The following GRK1 variants were observed in gnomAD, a reference collection of about 807,000 sequenced individuals.
GRK1 encodes G protein-coupled receptor kinase 1, also known as rhodopsin kinase GRK1.
A neutral mutation model predicts 41.7 loss-of-function variants in GRK1; 28 were observed. The ratio of observed to expected loss-of-function variants is 0.67; its 90% CI spans 0.50 to 0.92. The LOEUF is 0.92. GRK1 is among the 40% of genes least tolerant of loss of function. The pLI, the probability that GRK1 is intolerant of heterozygous loss-of-function variation, is 0.00. For missense variants in GRK1, 703 were observed against 671.2 expected, an observed-to-expected ratio of 1.05 and a Z score of -0.52; for synonymous variants, 327 against 286.7, an observed-to-expected ratio of 1.14 and a Z score of -1.42.
At position 113,733,721 on chromosome 13, in the gene GRK1, G is replaced by C. The variant is rs542858061; in HGVS notation, c.1396+636G>C. On this transcript the variant is annotated intron_variant, in intron 6 of 6. Transcript: ENST00000335678. ...CATGTGTGCGTGTGTGCGCACGTGT[G>C]TGTGCGCGCGTGTGTATGTGTGCAT... Among the ~76,000 whole-genome samples the C allele has an allele frequency of 6.4e-3, 943 of 146,580 alleles. 28 individuals are homozygous for C. The highest frequency in any genetic ancestry group is 0.011 in the Admixed American group (164 of 14,868).
the GRK1 span, chr13:113,654,905 C>A: frequency 6.2e-7 from 1 of 1,614,248 alleles, no homozygotes; most frequent in Non-Finnish European, 8.5e-7. Context: ...GCCCAGTCAT[C>A]ACCACGTAGA....
At chr13:113,664,621 G>A (rs948733549), upstream of GRK1, among the ~76,000 whole-genome samples, 1 of 152,078 alleles carries the variant, frequency 6.6e-6, no homozygotes, top group African/African-American at 2.4e-5. This position sits in a 1 kb window ranked among gnomAD's most constrained non-coding sequence, Gnocchi z 5.4. Flanking sequence ...CAGGTGGAAC[G>A]GCCCCCAGTC....
At chr13:113,650,302 C>A in the GRK1 span, 1 of 1,156,398 alleles carries the variant, frequency 8.6e-7, no homozygotes. The surrounding 1 kb of genome is among the most constrained non-coding windows in gnomAD (Gnocchi z 5.0). Context: ...TAAGTCACAC[C>A]TTTGTTTCAT....
At chr13:113,659,534 G>A in the GRK1 span, among the ~76,000 whole-genome samples, 1 of 152,124 alleles carries the variant, frequency 6.6e-6, no homozygotes, top group African/African-American at 2.4e-5. Context: ...AATTCAAATG[G>A]AATGATGTCA....
the GRK1 span, chr13:113,652,879 C>T: frequency 6.2e-7 from 1 of 1,614,116 alleles, no homozygotes; most frequent in African/African-American, 1.3e-5. Flanking sequence ...TCACCCTGTT[C>T]ATTTTAATAA....
the GRK1 span, chr13:113,652,715 G>C: frequency 2.5e-6 from 2 of 791,136 alleles, no homozygotes; most frequent in East Asian, 2.7e-5. Flanking sequence ...ACACGGGACA[G>C]GTGCGTGCCA....
Position 113,735,215 on chromosome 13 carries a change from C to A in GRK1, c.1544C>A (p.Pro515His), listed in dbSNP as rs973583215. Residue 515 changes from proline (P) to histidine (H), a missense_variant, in exon 7 of 7, where the codon CCC (proline) becomes CAC (histidine). Transcript: ENST00000335678. ...CAGGAATTTGCCACTGGCAACTGCC[C>A]CATCCCCTGGCAGGAGGAGATGATC... ...FFQEFATGNCPIPWQEEMIET... is the reference protein window; with the variant it reads ...FFQEFATGNCHIPWQEEMIET... 8 of 1,537,180 alleles carry A rather than the reference C, an allele frequency of 5.2e-6. No individual in the cohort carries two copies. Among genetic ancestry groups the A allele is most frequent in the Middle Eastern group, 1.7e-4 (1 of 5,988 alleles).
rs1335823183 is a variant in GRK1 at position 113,736,471 on chromosome 13, A to T, written c.*1108A>T. On this transcript the variant is annotated 3_prime_UTR_variant, in exon 7 of 7. Transcript: ENST00000335678. ...TGGCATTTCCAACTGCACTTTGAAC[A>T]CTGAAGGTTCCCCAAATGCTTTGTG... is the stretch of plus-strand genomic sequence containing the variant. The T allele has an allele frequency of 6.6e-6, 1 of 152,242 alleles. No individual in the cohort carries two copies. Among genetic ancestry groups the T allele is most frequent in the East Asian group, 1.9e-4 (1 of 5,190 alleles). 9.4% of individuals were successfully genotyped at this position (152,242 alleles called of 1,614,324 possible).
chr13:113,654,688 G>T, the GRK1 span: 1 of 1,420,952 alleles, frequency 7.0e-7, no homozygotes, highest in Non-Finnish European at 9.4e-7. Flanking sequence ...TCACCCTGGG[G>T]CTGCCGGGCT....
At chr13:113,652,964 G>A in the GRK1 span, 182 of 1,614,206 alleles carry the variant, frequency 1.1e-4, no homozygotes, top group African/African-American at 1.1e-4. Flanking sequence ...CATATCTGCC[G>A]TGAACTTGCA....
chr13:113,668,497 T>G (rs1056122784), intron 1 of GRK1, among the ~76,000 whole-genome samples: 2 of 152,198 alleles, frequency 1.3e-5, no homozygotes, highest in South Asian at 2.1e-4. Context: ...CAGGAGGAAC[T>G]GAGGCAGGAC....
In GRK1 at chr13:113,735,254, T is replaced by C. The variant is rs2049994665; in HGVS notation, c.1583T>C (p.Phe528Ser). ...GAGGAGATGATCGAGACGGGCATCT[T>C]TGGCGAGCTGAACGTGTGGCGCTCG... ...WQEEMIETGI[F>S]GELNVWRSDG... The change falls in exon 7 of 7, where the codon TTT becomes TCT. Residue 528 changes from phenylalanine to serine, a missense_variant. Coordinates refer to ENST00000335678, the MANE Select transcript of GRK1 (RefSeq NM_002929.3). The C allele has an allele frequency of 1.3e-6, 2 of 1,537,076 alleles. No individual in the cohort carries two copies. Among genetic ancestry groups the C allele is most frequent in the Non-Finnish European group, 1.7e-6 (2 of 1,146,848 alleles).
chr13:113,662,540 G>T (rs2049796316), upstream of GRK1, among the ~76,000 whole-genome samples: 1 of 152,200 alleles, frequency 6.6e-6, no homozygotes, highest in South Asian at 2.1e-4. Flanking sequence ...GAATGCTTAT[G>T]TAGAAAATCT....
At chr13:113,654,878 G>C in the GRK1 span, 1 of 1,614,126 alleles carries the variant, frequency 6.2e-7, no homozygotes, top group Non-Finnish European at 8.5e-7. Context: ...TCAGCACATA[G>C]AGGCACAGGG....
At chr13:113,729,413 CAT>C (rs945642109) in intron 4 of GRK1, among the ~76,000 whole-genome samples, 10 of 152,232 alleles carry the variant, frequency 6.6e-5, no homozygotes, top group African/African-American at 1.2e-4. Flanking sequence ...GCTGGACACA[CAT>C]GTGATCTGCT....
At chr13:113,653,515 C>A in the GRK1 span, 136 of 1,313,240 alleles carry the variant, frequency 1.0e-4, no homozygotes, top group South Asian at 1.5e-3. Flanking sequence ...GCTGAGGATA[C>A]GCCAGAGGCG....
chr13:113,654,853 G>T, the GRK1 span: 1 of 1,614,078 alleles, frequency 6.2e-7, no homozygotes, highest in Non-Finnish European at 8.5e-7. Flanking sequence ...GGTGTGTACG[G>T]GTCCACTGTC....
chr13:113,667,658 A>G lies in GRK1; in HGVS notation c.272A>G (p.Asp91Gly). Residue 91 changes from aspartate to glycine, a missense_variant, in exon 1 of 7, where the codon GAC (aspartate) becomes GGC (glycine). Asp to Gly is a moderately conservative substitution (Grantham distance 94). Coordinates refer to ENST00000335678, the MANE Select transcript of GRK1 (RefSeq NM_002929.3). The surrounding 1 kb of genome is among the most constrained non-coding windows in gnomAD (Gnocchi z 7.5). The part of the protein sequence containing the change: ...KHLPALELWK[D>G]IEDYDTADND... ...CTGCCGGCCCTGGAGCTCTGGAAAG[A>G]CATCGAGGACTATGACACGGCAGAC... The G allele has an allele frequency of 6.2e-7, 1 of 1,613,624 alleles. No homozygotes were observed. Among genetic ancestry groups the G allele is most frequent in the Non-Finnish European group, 8.5e-7 (1 of 1,179,906 alleles).
At chr13:113,733,765 A>T (rs1425829900) in intron 6 of GRK1, among the ~76,000 whole-genome samples, 1 of 67,012 alleles carries the variant, frequency 1.5e-5, no homozygotes, top group Non-Finnish European at 3.2e-5. Context: ...GTGCGTGTGT[A>T]TGTGTGTGCA....
Sources: gnomAD v4.1 joint callset for allele counts (sites outside exome capture counted in the v4.1 genomes callset) on GRCh38, gnomAD v4.1.1 for gene constraint, Gnocchi (gnomAD v3.1) non-coding constraint, MANE v1.5 for transcripts, NCBI Gene and HGNC (gene_info 2026-07-23, HGNC 2026-07-21) for gene names.